Variants in MCTP1 observed in about 807,000 individuals in gnomAD.
MCTP1 encodes multiple C2 and transmembrane domain-containing protein 1.
In MCTP1, 69 loss-of-function variants were observed where a neutral mutation model predicts 120.6. The observed-to-expected ratio is 0.57, with a 90% CI of 0.47 to 0.70. MCTP1 has a LOEUF of 0.70. Ranked by LOEUF, MCTP1 falls within the 30% of genes least tolerant of loss-of-function variation. MCTP1 has a pLI of 0.00. For synonymous variants in MCTP1, 529 were observed against 493.1 expected, an observed-to-expected ratio of 1.07 and a Z score of -0.96; for missense variants, 1,203 against 1,248.8, an observed-to-expected ratio of 0.96 and a Z score of 0.55.
At chr5:94,919,534 G>T (rs1811007074) in intron 7 of MCTP1, among the ~76,000 whole-genome samples, 1 of 152,142 alleles carries the variant, frequency 6.6e-6, no homozygotes, top group Admixed American at 6.5e-5. Flanking sequence ...CCCAGACACT[G>T]AAACGGGGAG....
At chr5:95,225,763 C>T (rs999749784) in intron 1 of MCTP1, among the ~76,000 whole-genome samples, 1 of 152,080 alleles carries the variant, frequency 6.6e-6, no homozygotes, top group African/African-American at 2.4e-5. Context: ...AAGGACATTT[C>T]CCTCTCCATT....
At chr5:94,748,344 T>C (rs1363866982) in intron 19 of MCTP1, among the ~76,000 whole-genome samples, 1 of 152,242 alleles carries the variant, frequency 6.6e-6, no homozygotes, top group African/African-American at 2.4e-5. Flanking sequence ...GTGGAACTAC[T>C]GAAACATTGT....
intron 1 of MCTP1, among the ~76,000 whole-genome samples, chr5:95,106,109 T>C (rs1391115977): frequency 6.6e-6 from 1 of 152,258 alleles, no homozygotes. Context: ...GGTGATCATC[T>C]GCTGGTATCT....
In MCTP1 at chr5:95,233,328, C is replaced by CT. The variant is rs199632942; in HGVS notation, c.720+50527dup. On this transcript the variant is annotated intron_variant, in intron 1 of 22. Transcript: ENST00000515393. ...TATTTAGAAACTAAATGGCATACTT[C>CT]TTTTTTTTTTTTTTTCTCGAGACGG... is the stretch of plus-strand genomic sequence containing the variant. 5.0e-3 allele frequency among the ~76,000 whole-genome samples: 727 copies of CT among 144,580 alleles called. 2 individuals carry two copies. Among genetic ancestry groups the CT allele is most frequent in the African/African-American group, 8.2e-3 (325 of 39,570 alleles). The allele number at this position is 144,580 out of a possible 152,430, so 94.9% of individuals were successfully genotyped here.
At chr5:94,853,674 C>A (rs1794184589) in intron 17 of MCTP1, among the ~76,000 whole-genome samples, 1 of 151,894 alleles carries the variant, frequency 6.6e-6, no homozygotes, top group African/African-American at 2.4e-5. Context: ...TGGCTAGGAA[C>A]AGAAATTTCC....
chr5:94,769,758 A>C (rs1198846951), intron 19 of MCTP1, among the ~76,000 whole-genome samples: 1 of 152,176 alleles, frequency 6.6e-6, no homozygotes, highest in Non-Finnish European at 1.5e-5. Flanking sequence ...GATTTGCCCC[A>C]AGAAAAAAAG....
intron 3 of MCTP1, among the ~76,000 whole-genome samples, chr5:94,952,771 T>C (rs76434477): frequency 0.13 from 19,780 of 150,262 alleles, 1,373 homozygotes; most frequent in East Asian, 0.25. Context: ...CTAATAGAGA[T>C]AGGAATTTTT....
Position 95,283,936 on chromosome 5 carries a change from G to A in MCTP1, c.640C>T (p.Pro214Ser). Residue 214 changes from proline to serine, a missense_variant, in exon 1 of 23, where the codon CCG becomes TCG. Physicochemically the swap from Pro to Ser is moderately conservative, Grantham distance 74. Transcript: ENST00000515393. ...TACLEQLLEP[P>S]PPPAEPARSP... ...CGCGCCGGCTCTGCGGGAGGAGGCG[G>A]CGGCTCCAGCAGCTGCTCCAGGCAG... 7.1e-7 allele frequency: 1 copy of A among 1,403,396 alleles called. No individual in the cohort carries two copies. Among genetic ancestry groups the A allele is most frequent in the Non-Finnish European group, 9.2e-7 (1 of 1,086,070 alleles). 86.9% of individuals were successfully genotyped at this position (1,403,396 alleles called of 1,614,324 possible). A position where few individuals can be genotyped will look rare whatever the true frequency, so the allele number is the denominator to read the frequency against.
chr5:95,278,160 T>C (rs1007318770), intron 1 of MCTP1, among the ~76,000 whole-genome samples: 7 of 151,952 alleles, frequency 4.6e-5, no homozygotes, highest in Admixed American at 6.6e-5. Flanking sequence ...GGATAAAATA[T>C]TGAATTGTTA....
intron 1 of MCTP1, among the ~76,000 whole-genome samples, chr5:95,209,183 CTA>C (rs1406160175): frequency 5.3e-5 from 8 of 152,208 alleles, no homozygotes; most frequent in African/African-American, 1.9e-4. Context: ...AATAGCATCA[CTA>C]TTCTTCCAGT....
chr5:94,920,325 G>A (rs1207134144), intron 7 of MCTP1, among the ~76,000 whole-genome samples: 1 of 144,650 alleles, frequency 6.9e-6, no homozygotes, highest in Non-Finnish European at 1.5e-5. Context: ...CTATTTTTGA[G>A]TATAAATAAC....
At chr5:95,123,799 G>A (rs1298037199) in intron 1 of MCTP1, among the ~76,000 whole-genome samples, 1 of 152,002 alleles carries the variant, frequency 6.6e-6, no homozygotes, top group Non-Finnish European at 1.5e-5. Context: ...ACAGGCGCCC[G>A]CCACTGCGCC....
Position 95,284,054 on chromosome 5 carries a change from CG to C in MCTP1, c.521del (p.Pro174ArgfsTer69). 2.0e-6 allele frequency: 3 copies of C among 1,534,492 alleles called. No homozygotes were observed. Among genetic ancestry groups the C allele is most frequent in the Admixed American group, 2.1e-5 (1 of 48,670 alleles). ...CCTCATCTCGGGCGCGGTCCCCCCT[CG>C]GGGGAGGCTGGGGCGAGGAGGACAG... ...SSLSSSPQPP[P>X]RGDRARDEGA... On this transcript the variant is annotated frameshift_variant, in exon 1 of 23. Transcript: ENST00000515393. LOFTEE classifies it high-confidence loss of function. This position sits in a 1 kb window ranked among gnomAD's most constrained non-coding sequence, Gnocchi z 5.2.
intron 17 of MCTP1, chr5:94,826,619 G>A (rs1787131053): frequency 1.3e-6 from 1 of 782,506 alleles, no homozygotes; most frequent in Admixed American, 1.8e-5. Flanking sequence ...CTTCAGCTCT[G>A]CAAAATTCCT....
At position 95,278,113 on chromosome 5, in the gene MCTP1, T is replaced by C. The variant is rs370400521; in HGVS notation, c.720+5743A>G. On this transcript the variant is annotated intron_variant, in intron 1 of 22. Coordinates refer to ENST00000515393, the MANE Select transcript of MCTP1 (RefSeq NM_024717.7). ...AAAAAAAAAAAAAAGTTTCTAATGGTAAGAAACTGCTACATATTAGAGGGG... is the reference window on the plus strand; with the variant it reads ...AAAAAAAAAAAAAAGTTTCTAATGGCAAGAAACTGCTACATATTAGAGGGG... Among the ~76,000 whole-genome samples, 40 of 150,882 alleles carry C rather than the reference T, an allele frequency of 2.7e-4. No homozygotes were observed. In the East Asian group the frequency reaches 5.4e-3, roughly 21 times the overall value.
At position 94,966,495 on chromosome 5, in the gene MCTP1, A is replaced by G. The variant is rs1359923288; in HGVS notation, c.839-13134T>C. Among the ~76,000 whole-genome samples the G allele has an allele frequency of 2.0e-5, 3 of 152,144 alleles. No individual in the cohort carries two copies. The East Asian group carries it at 5.8e-4, about 29-fold the overall frequency. ...GTTAATAACTTGCTCCAAGTCATAC[A>G]GTTAATAAGGATGTGGCTGGCCGGA... On this transcript the variant is annotated intron_variant, in intron 2 of 22. Coordinates refer to ENST00000515393, the MANE Select transcript of MCTP1 (RefSeq NM_024717.7).
At chr5:94,919,173 T>C (rs542413041) in intron 7 of MCTP1, among the ~76,000 whole-genome samples, 1 of 152,316 alleles carries the variant, frequency 6.6e-6, no homozygotes, top group East Asian at 1.9e-4. Flanking sequence ...GTAATAACCC[T>C]AGCATATGTT....
chr5:95,015,284 G>A (rs375157887), intron 2 of MCTP1, among the ~76,000 whole-genome samples: 15 of 151,912 alleles, frequency 9.9e-5, no homozygotes, highest in Admixed American at 2.0e-4. Flanking sequence ...TAGCTACTTC[G>A]GTTAGTGGTT....
chr5:95,110,271 C>T (rs1021843990), intron 1 of MCTP1, among the ~76,000 whole-genome samples: 1 of 151,972 alleles, frequency 6.6e-6, no homozygotes, highest in African/African-American at 2.4e-5. Context: ...AGAAAGCAGC[C>T]ACCCAGCCAG....
Sources: gnomAD v4.1 joint callset for allele counts (sites outside exome capture counted in the v4.1 genomes callset) on GRCh38, gnomAD v4.1.1 for gene constraint, Gnocchi (gnomAD v3.1) non-coding constraint, MANE v1.5 for transcripts, NCBI Gene and HGNC (gene_info 2026-07-23, HGNC 2026-07-21) for gene names.